RGL1: variants seen among roughly 807,000 people sequenced by gnomAD.
RGL1 encodes the protein ral guanine nucleotide dissociation stimulator-like 1.
A neutral mutation model predicts 95.2 loss-of-function variants in RGL1; 24 were observed. The observed-to-expected ratio is 0.25, with a 90% confidence interval of 0.18 to 0.35. The LOEUF (loss-of-function observed/expected upper bound fraction) is 0.35. Among genes scored for constraint, RGL1 ranks in the 10% least tolerant of loss-of-function variants. RGL1 has a pLI of 1.00. For synonymous variants in RGL1, 329 were observed against 344.9 expected, an observed-to-expected ratio of 0.95 and a Z score of 0.51; for missense variants, 715 against 936.3, an observed-to-expected ratio of 0.76 and a Z score of 3.08.
At chr1:183,850,707 C>A (rs1459334573) in intron 3 of RGL1, among the ~76,000 whole-genome samples, 2 of 151,978 alleles carry the variant, frequency 1.3e-5, no homozygotes, top group Non-Finnish European at 2.9e-5. Context: ...TAGGCAGGAT[C>A]TTATGTAATA....
At chr1:183,767,966 A>G (rs1329747248) in intron 2 of RGL1, among the ~76,000 whole-genome samples, 2 of 151,566 alleles carry the variant, frequency 1.3e-5, no homozygotes, top group African/African-American at 4.8e-5. Flanking sequence ...GAAAAAAAAA[A>G]TTGCCCAACT....
At chr1:183,648,181 A>G in intron 1 of RGL1, 1 of 1,614,206 alleles carries the variant, frequency 6.2e-7, no homozygotes. Context: ...CCACTTATAA[A>G]GCTGTGGAGA....
At chr1:183,846,375 A>G (rs1220306797) in intron 2 of RGL1, among the ~76,000 whole-genome samples, 3 of 151,784 alleles carry the variant, frequency 2.0e-5, no homozygotes, top group African/African-American at 7.3e-5. Context: ...GGGGAACGTC[A>G]CACATGGGGG....
chr1:183,654,544 A>G (rs181281859), intron 1 of RGL1, among the ~76,000 whole-genome samples: 181 of 152,334 alleles, frequency 1.2e-3, no homozygotes, highest in African/African-American at 4.1e-3. Context: ...TTCTCCCGCT[A>G]GCTGAAGAAT....
chr1:183,874,280 C>T (rs2102618521), intron 4 of RGL1, among the ~76,000 whole-genome samples: 1 of 152,222 alleles, frequency 6.6e-6, no homozygotes, highest in South Asian at 2.1e-4. Context: ...TTAACCGAGG[C>T]CTTAACCTCT....
At chr1:183,856,846 A>C (rs981742942) in intron 3 of RGL1, among the ~76,000 whole-genome samples, 3 of 152,036 alleles carry the variant, frequency 2.0e-5, no homozygotes, top group African/African-American at 7.2e-5. Context: ...TTGATAGGGG[A>C]TGCCTTTCAT....
At chr1:183,769,497 T>G (rs1357783921) in intron 2 of RGL1, among the ~76,000 whole-genome samples, 1 of 152,360 alleles carries the variant, frequency 6.6e-6, no homozygotes, top group African/African-American at 2.4e-5. Context: ...TGAAACATGC[T>G]TGGATAGATT....
At position 183,649,955 on chromosome 1, in the gene RGL1, G is replaced by T. The variant is rs565850540; in HGVS notation, c.-33+13454G>T. ...GCCTCCCAAATAGCTGAGACCACAG[G>T]TATGTACCACCATGCCCAGATAATT... On this transcript the variant is annotated intron_variant, in intron 1 of 18. Transcript: ENST00000304685. 4.6e-5 allele frequency among the ~76,000 whole-genome samples: 7 copies of T among 152,194 alleles called. No homozygotes were observed. The East Asian group carries it at 1.2e-3, about 25-fold the overall frequency.
At chr1:183,868,449 A>T (rs1665967680) in intron 4 of RGL1, among the ~76,000 whole-genome samples, 1 of 152,146 alleles carries the variant, frequency 6.6e-6, no homozygotes, top group African/African-American at 2.4e-5. Flanking sequence ...GTGACCGTGG[A>T]CCTATAGCAT....
At chr1:183,813,270 G>C (rs1378222098) in intron 2 of RGL1, among the ~76,000 whole-genome samples, 4 of 152,238 alleles carry the variant, frequency 2.6e-5, no homozygotes, top group Non-Finnish European at 5.9e-5. Context: ...TCTGGAGTCA[G>C]TGTTGTCCTC....
intron 1 of RGL1, among the ~76,000 whole-genome samples, chr1:183,676,771 C>T (rs1005892555): frequency 6.9e-6 from 1 of 145,594 alleles, no homozygotes; most frequent in Non-Finnish European, 1.5e-5. Context: ...TCTGTTTAGT[C>T]AGTGTAAGCC....
chr1:183,724,062 A>G lies in RGL1; in HGVS notation c.-32-18064A>G, dbSNP rs555875110. Among the ~76,000 whole-genome samples, 2 of 152,248 alleles carry G rather than the reference A, an allele frequency of 1.3e-5. No individual in the cohort carries two copies. The highest frequency in any genetic ancestry group is 6.5e-5 in the Admixed American group (1 of 15,296). The stretch of plus-strand genomic sequence containing the variant: ...CATTACTAGACACACCCTGGGCCAG[A>G]AGCAAACTCATTGCCTTGAAGGGAA... On this transcript the variant is annotated intron_variant, in intron 1 of 18. Transcript: ENST00000304685. The surrounding 1 kb of genome is among the most constrained non-coding windows in gnomAD (Gnocchi z 4.1).
intron 17 of RGL1, among the ~76,000 whole-genome samples, chr1:183,923,678 C>T (rs1669446683): frequency 1.3e-5 from 2 of 152,094 alleles, no homozygotes; most frequent in African/African-American, 4.8e-5. Flanking sequence ...CAGGGCGATT[C>T]TGAAGATAAC....
intron 3 of RGL1, among the ~76,000 whole-genome samples, chr1:183,859,102 C>A (rs1457509315): frequency 6.6e-6 from 1 of 152,192 alleles, no homozygotes; most frequent in Non-Finnish European, 1.5e-5. Flanking sequence ...CCAGTTTCTT[C>A]TGTTGTCCGT....
At chr1:183,735,366 G>T (rs1656875843) in intron 1 of RGL1, among the ~76,000 whole-genome samples, 1 of 152,072 alleles carries the variant, frequency 6.6e-6, no homozygotes, top group African/African-American at 2.4e-5. Flanking sequence ...TTATCATGTT[G>T]AATGCTTAAT....
At position 183,820,268 on chromosome 1, in the gene RGL1, A is replaced by G. The variant is rs116838053; in HGVS notation, c.138+13783A>G. Among the ~76,000 whole-genome samples the G allele has an allele frequency of 6.5e-3, 985 of 152,294 alleles. 6 individuals are homozygous for G. Among genetic ancestry groups the G allele is most frequent in the Middle Eastern group, 0.017 (5 of 294 alleles). On this transcript the variant is annotated intron_variant, in intron 2 of 17. Coordinates refer to ENST00000360851, the MANE Select transcript of RGL1 (RefSeq NM_001297671.3). ...GTGATAGGCAGGAAATATTTTTCAGAACAAATTAGAAAGGTTACTTTCTAA... is the reference window on the plus strand; with the variant it reads ...GTGATAGGCAGGAAATATTTTTCAGGACAAATTAGAAAGGTTACTTTCTAA...
rs1666525813 is a variant in RGL1 at position 183,876,836 on chromosome 1, G to C, written c.426-3780G>C. 2.6e-5 allele frequency among the ~76,000 whole-genome samples: 4 copies of C among 152,226 alleles called. No homozygotes were observed. In the South Asian group the frequency reaches 8.3e-4, roughly 32 times the overall value. On this transcript the variant is annotated intron_variant, in intron 4 of 17. Transcript: ENST00000360851. ...GTCATTCTTCCTGTGAGAGGTGGCA[G>C]ATTCTTTGAGTCAATTCCTGTGAGT...
chr1:183,723,660 T>C (rs930979694), intron 1 of RGL1, among the ~76,000 whole-genome samples: 1 of 152,170 alleles, frequency 6.6e-6, no homozygotes, highest in Non-Finnish European at 1.5e-5. Flanking sequence ...CAGTGGGAAC[T>C]TGAGTTCTGG....
In RGL1 at chr1:183,909,106, T is replaced by A. The variant is rs143016442; in HGVS notation, c.1562+2005T>A. On this transcript the variant is annotated intron_variant, in intron 14 of 17. Coordinates refer to ENST00000360851, the MANE Select transcript of RGL1 (RefSeq NM_001297671.3). ...TAGTAAAATCTTGCTGGGATAACCCTTGGTATCTGCAGTTGAGTTTGGGCA... is the reference window on the plus strand; with the variant it reads ...TAGTAAAATCTTGCTGGGATAACCCATGGTATCTGCAGTTGAGTTTGGGCA... Among the ~76,000 whole-genome samples, 229 of 152,360 alleles carry A rather than the reference T, an allele frequency of 1.5e-3. 1 individual carries two copies. Among genetic ancestry groups the A allele is most frequent in the Non-Finnish European group, 2.7e-3 (182 of 68,024 alleles).
Sources: gnomAD v4.1 joint callset for allele counts (sites outside exome capture counted in the v4.1 genomes callset) on GRCh38, gnomAD v4.1.1 for gene constraint, Gnocchi (gnomAD v3.1) non-coding constraint, MANE v1.5 for transcripts, NCBI Gene and HGNC (gene_info 2026-07-23, HGNC 2026-07-21) for gene names.